Variants in TMEM71 observed in about 807,000 individuals in gnomAD.
TMEM71 encodes transmembrane protein 71.
Under a neutral mutation model 38.0 loss-of-function variants are expected in TMEM71, and 44 were observed. The ratio of observed to expected loss-of-function variants is 1.16; its 90% CI spans 0.91 to 1.49. The LOEUF (loss-of-function observed/expected upper bound fraction) is 1.49, where lower values mean the gene tolerates loss of function less well. Among genes scored for constraint, TMEM71 ranks in the 40% most tolerant of loss-of-function variants. The pLI, the probability that TMEM71 is intolerant of heterozygous loss-of-function variation, is 0.00. For synonymous variants in TMEM71, 133 were observed against 122.5 expected, an observed-to-expected ratio of 1.09 and a Z score of -0.56; for missense variants, 367 against 348.6, an observed-to-expected ratio of 1.05 and a Z score of -0.42.
chr8:132,728,027 T>A (rs751129351), intron 5 of TMEM71, 41 bp from the exon 6 acceptor site: 2 of 1,376,908 alleles, frequency 1.5e-6, no homozygotes, highest in Non-Finnish European at 2.0e-6. Context: ...TGTGTGTGTG[T>A]GTGTGTGTGT....
upstream of TMEM71, among the ~76,000 whole-genome samples, chr8:132,763,129 C>A (rs933423727): frequency 1.6e-4 from 24 of 152,196 alleles, no homozygotes; most frequent in Non-Finnish European, 5.9e-5. Flanking sequence ...TCCCTCAGCT[C>A]TTTTCTCCAC....
chr8:132,766,612 C>A, the TMEM71 span, among the ~76,000 whole-genome samples: 1 of 151,886 alleles, frequency 6.6e-6, no homozygotes, highest in Non-Finnish European at 1.5e-5. Context: ...CCAGCTTGGG[C>A]AACATGAGGA....
At chr8:132,711,682 C>A (rs1242357892) in intron 9 of TMEM71, among the ~76,000 whole-genome samples, 2 of 152,146 alleles carry the variant, frequency 1.3e-5, no homozygotes, top group Admixed American at 6.5e-5. Flanking sequence ...GTGGACAAGA[C>A]AGATAGTCCC....
chr8:132,712,426 C>A (rs1826283381), intron 9 of TMEM71, among the ~76,000 whole-genome samples: 1 of 152,006 alleles, frequency 6.6e-6, no homozygotes, highest in East Asian at 1.9e-4. Flanking sequence ...GTGATATAAC[C>A]CCTGCAGATC....
chr8:132,715,409 CAAAAA>C (rs975995287), intron 7 of TMEM71, among the ~76,000 whole-genome samples: 23 of 21,558 alleles, frequency 1.1e-3, no homozygotes, highest in Non-Finnish European at 1.6e-3. Flanking sequence ...GACTCCGTCT[CAAAAA>C]AAAAAAAAAA....
At chr8:132,727,746 T>G in intron 6 of TMEM71, 52 bp downstream of exon 6, 1 of 1,481,306 alleles carries the variant, frequency 6.8e-7, no homozygotes, top group Non-Finnish European at 9.2e-7. Context: ...TCTCAGGCTC[T>G]GAAAGGAAGA....
chr8:132,752,140 C>A, intron 3 of TMEM71, 143 bp from the exon 4 acceptor site: 1 of 696,770 alleles, frequency 1.4e-6, no homozygotes, highest in Non-Finnish European at 2.5e-6. Context: ...GAATGTCACT[C>A]TTAATGTTCT....
intron 5 of TMEM71, among the ~76,000 whole-genome samples, chr8:132,733,336 T>C (rs1298537758): frequency 1.3e-5 from 2 of 152,196 alleles, no homozygotes; most frequent in Non-Finnish European, 2.9e-5. Flanking sequence ...TATGTAGTGT[T>C]GTTATTTGCA....
upstream of TMEM71, among the ~76,000 whole-genome samples, chr8:132,764,819 C>T (rs7823983): frequency 0.051 from 7,768 of 152,274 alleles, 670 homozygotes; most frequent in African/African-American, 0.18. Flanking sequence ...GTTCCTCCTG[C>T]TACACTGTGA....
chr8:132,712,520 CT>C (rs968372911), intron 9 of TMEM71, among the ~76,000 whole-genome samples: 47 of 152,154 alleles, frequency 3.1e-4, no homozygotes, highest in African/African-American at 1.1e-3. Context: ...TGTGCTCCCC[CT>C]GGCTCCTGTA....
chr8:132,746,346 T>C (rs1341422093), intron 5 of TMEM71, among the ~76,000 whole-genome samples: 1 of 101,584 alleles, frequency 9.8e-6, no homozygotes, highest in Non-Finnish European at 2.2e-5. Flanking sequence ...TTTATATACA[T>C]ACACACAAAT....
At chr8:132,725,335 T>A (rs1827083638) in intron 6 of TMEM71, among the ~76,000 whole-genome samples, 1 of 152,226 alleles carries the variant, frequency 6.6e-6, no homozygotes, top group South Asian at 2.1e-4. Flanking sequence ...TGACTAATTT[T>A]TGTATTTTTT....
At chr8:132,737,431 T>G (rs1288273224) in intron 5 of TMEM71, among the ~76,000 whole-genome samples, 1 of 152,186 alleles carries the variant, frequency 6.6e-6, no homozygotes, top group Middle Eastern at 3.2e-3. Flanking sequence ...AAGCTGTGCT[T>G]CATTAGCCAG....
At chr8:132,735,888 C>A (rs1036039807) in intron 5 of TMEM71, among the ~76,000 whole-genome samples, 1 of 152,032 alleles carries the variant, frequency 6.6e-6, no homozygotes, top group Non-Finnish European at 1.5e-5. Context: ...TACTTTAAAG[C>A]AAACTTTATA....
At chr8:132,737,332 A>G (rs1827805061) in intron 5 of TMEM71, among the ~76,000 whole-genome samples, 1 of 152,242 alleles carries the variant, frequency 6.6e-6, no homozygotes, top group Non-Finnish European at 1.5e-5. Flanking sequence ...AGAGTCAGAG[A>G]GATAACTTCT....
chr8:132,711,103 ACGGGC>A, intron 9 of TMEM71, 121 bp from the exon 10 acceptor site: 1 of 858,050 alleles, frequency 1.2e-6, no homozygotes. Context: ...CATACCCACA[ACGGGC>A]CTGAATTATC....
At chr8:132,763,578 C>G (rs1311898689), upstream of TMEM71, among the ~76,000 whole-genome samples, 2 of 152,186 alleles carry the variant, frequency 1.3e-5, no homozygotes, top group East Asian at 3.8e-4. Flanking sequence ...GCATAGGTCT[C>G]TAATAGAGGT....
intron 5 of TMEM71, among the ~76,000 whole-genome samples, chr8:132,743,650 C>T (rs1828175758): frequency 6.6e-6 from 1 of 152,180 alleles, no homozygotes; most frequent in African/African-American, 2.4e-5. Flanking sequence ...TAATCCATCT[C>T]ATCCACTGCA....
In TMEM71 at chr8:132,729,106, C is replaced by T. The variant is rs148916559; in HGVS notation, c.488-1120G>A. 9.5e-4 allele frequency among the ~76,000 whole-genome samples: 144 copies of T among 152,320 alleles called. 1 individual carries two copies. In the East Asian group the frequency reaches 0.024, roughly 26 times the overall value. On this transcript the variant is annotated intron_variant, in intron 5 of 9. Transcript: ENST00000677595. Reference sequence around the variant, plus strand: ...CAAGTTTATTGCAAAAGCATGCATGCAACTTCAAGTTTCAAACATGCTAAG... The same window carrying T: ...CAAGTTTATTGCAAAAGCATGCATGTAACTTCAAGTTTCAAACATGCTAAG...
Sources: allele counts gnomAD v4.1 joint callset (sites outside exome capture counted in the v4.1 genomes callset), GRCh38; gene constraint gnomAD v4.1.1; transcripts MANE v1.5; gene names NCBI Gene and HGNC (gene_info 2026-07-23, HGNC 2026-07-21).